Variants in ASIC2 observed in about 807,000 individuals in gnomAD.
ASIC2 encodes acid sensing ion channel subunit 2, also known as acid-sensing ion channel 2.
Under a neutral mutation model 57.3 loss-of-function variants are expected in ASIC2, and 25 were observed. That is an observed-to-expected ratio of 0.44 (90% CI 0.32 to 0.61). The LOEUF (loss-of-function observed/expected upper bound fraction) is 0.61. Ranked by LOEUF, ASIC2 falls within the 20% of genes least tolerant of loss-of-function variation. The pLI is 0.06. For missense variants in ASIC2, 641 were observed against 738.1 expected (o/e 0.87, Z 1.52); for synonymous variants, 319 against 307.5 (o/e 1.04, Z -0.39).
chr17:33,847,886 AG>A (rs1913655380), intron 1 of ASIC2, among the ~76,000 whole-genome samples: 1 of 152,158 alleles, frequency 6.6e-6, no homozygotes, highest in Non-Finnish European at 1.5e-5. Context: ...ATGGGAGTGG[AG>A]AGTACAGGAA....
At chr17:33,607,654 C>A (rs972054551) in intron 1 of ASIC2, among the ~76,000 whole-genome samples, 22 of 152,204 alleles carry the variant, frequency 1.4e-4, no homozygotes, top group African/African-American at 5.1e-4. Flanking sequence ...CTGTCTGTCA[C>A]TGATCCCTGC....
rs547648631 is a variant in ASIC2 at position 33,175,340 on chromosome 17, A to G, written c.709-63273T>C. 3.3e-5 allele frequency among the ~76,000 whole-genome samples: 5 copies of G among 152,324 alleles called. No homozygotes were observed. The East Asian group carries it at 9.6e-4, about 29-fold the overall frequency. ...AGGGCGCATTCTGGGCACTTCTTCCAAGTAGCTGTTTCCAAAAAGCAAATC... is the reference window on the plus strand; with the variant it reads ...AGGGCGCATTCTGGGCACTTCTTCCGAGTAGCTGTTTCCAAAAAGCAAATC... On this transcript the variant is annotated intron_variant, in intron 1 of 9. Transcript: ENST00000225823.
chr17:33,665,738 C>A (rs750785200), intron 1 of ASIC2, among the ~76,000 whole-genome samples: 6 of 152,140 alleles, frequency 3.9e-5, no homozygotes, highest in Non-Finnish European at 8.8e-5. Context: ...ATAAGATTTT[C>A]TCCATCTAAT....
At chr17:33,210,696 G>A (rs866438079) in intron 1 of ASIC2, among the ~76,000 whole-genome samples, 7 of 152,318 alleles carry the variant, frequency 4.6e-5, no homozygotes, top group Middle Eastern at 3.4e-3. Context: ...GAGGAGGGAG[G>A]CTTGGCCCTG....
intron 1 of ASIC2, among the ~76,000 whole-genome samples, chr17:33,205,765 C>G (rs1381509464): frequency 6.6e-6 from 1 of 152,192 alleles, no homozygotes; most frequent in Non-Finnish European, 1.5e-5. Flanking sequence ...CCCTCCAGAG[C>G]TCCCGGCATG....
At chr17:33,755,007 GT>G (rs1180622391) in intron 1 of ASIC2, among the ~76,000 whole-genome samples, 1 of 128,896 alleles carries the variant, frequency 7.8e-6, no homozygotes. Context: ...CAGTGAGAAT[GT>G]TGCCTTGTAT....
intron 1 of ASIC2, among the ~76,000 whole-genome samples, chr17:33,700,567 T>A (rs16968777): frequency 0.19 from 29,229 of 152,088 alleles, 3,372 homozygotes; most frequent in African/African-American, 0.33. Context: ...GAGAAATAAG[T>A]TCCATTTGAA....
chr17:33,194,960 A>G (rs1385107271), intron 1 of ASIC2, among the ~76,000 whole-genome samples: 1 of 152,216 alleles, frequency 6.6e-6, no homozygotes, highest in Non-Finnish European at 1.5e-5. Context: ...TTCTTAGGGA[A>G]TGGTGACAGC....
intron 1 of ASIC2, among the ~76,000 whole-genome samples, chr17:33,405,803 G>C (rs963190462): frequency 2.6e-5 from 4 of 152,000 alleles, no homozygotes; most frequent in Admixed American, 2.0e-4. Flanking sequence ...CCTTTCATAT[G>C]TAAACTAACC....
At chr17:33,107,204 C>T (rs920130091) in intron 2 of ASIC2, among the ~76,000 whole-genome samples, 5 of 152,164 alleles carry the variant, frequency 3.3e-5, no homozygotes, top group African/African-American at 9.7e-5. Flanking sequence ...CGTTGGAAAA[C>T]CCTGGCCATG....
chr17:33,438,461 T>A (rs1911705709), intron 1 of ASIC2, among the ~76,000 whole-genome samples: 1 of 152,152 alleles, frequency 6.6e-6, no homozygotes, highest in African/African-American at 2.4e-5. Flanking sequence ...ACTTGCAAAT[T>A]TTCTTCTTTA....
intron 1 of ASIC2, among the ~76,000 whole-genome samples, chr17:34,151,193 C>T (rs2142144214): frequency 6.6e-6 from 1 of 151,366 alleles, no homozygotes; most frequent in Non-Finnish European, 1.5e-5. Context: ...CAGCAAGTAA[C>T]TATTCAATTA....
intron 1 of ASIC2, among the ~76,000 whole-genome samples, chr17:33,462,131 G>A (rs1010452433): frequency 6.6e-6 from 1 of 152,188 alleles, no homozygotes; most frequent in African/African-American, 2.4e-5. Context: ...CAGGCTTTGG[G>A]AACCAGAAAA....
chr17:34,092,058 A>AG (rs72357747), intron 1 of ASIC2, among the ~76,000 whole-genome samples: 31,245 of 152,072 alleles, frequency 0.21, 4,404 homozygotes, highest in African/African-American at 0.4. Flanking sequence ...GGAAGAAAAG[A>AG]GATGCCAGGA....
At chr17:33,297,798 G>A (rs59944826), upstream of ASIC2, among the ~76,000 whole-genome samples, 3,479 of 150,948 alleles carry the variant, frequency 0.023, 128 homozygotes, top group African/African-American at 0.08. Flanking sequence ...CTCCAGCCTC[G>A]GGCATCAGAG....
intron 1 of ASIC2, among the ~76,000 whole-genome samples, chr17:33,118,407 G>A (rs2092288880): frequency 6.6e-6 from 1 of 152,192 alleles, no homozygotes; most frequent in Admixed American, 6.5e-5. Context: ...GAAAGGCTGA[G>A]CCAGGTCACA....
intron 1 of ASIC2, among the ~76,000 whole-genome samples, chr17:33,604,599 C>T (rs928213923): frequency 6.6e-6 from 1 of 152,124 alleles, no homozygotes; most frequent in Admixed American, 6.5e-5. Context: ...CAGGGCATTC[C>T]ACCTGAGGGG....
At chr17:34,035,593 G>C (rs1204707587) in intron 1 of ASIC2, among the ~76,000 whole-genome samples, 1 of 152,028 alleles carries the variant, frequency 6.6e-6, no homozygotes, top group Non-Finnish European at 1.5e-5. Context: ...GAGTGAACAG[G>C]CAACCTACAG....
chr17:33,208,619 A>G (rs1907158670), intron 1 of ASIC2, among the ~76,000 whole-genome samples: 1 of 151,492 alleles, frequency 6.6e-6, no homozygotes, highest in Admixed American at 6.6e-5. Flanking sequence ...CTATCTAATC[A>G]CCTTATTCTA....
Sources: allele counts gnomAD v4.1 joint callset (sites outside exome capture counted in the v4.1 genomes callset), GRCh38; gene constraint gnomAD v4.1.1; transcripts MANE v1.5; gene names NCBI Gene and HGNC (gene_info 2026-07-23, HGNC 2026-07-21).